GLIS3: variants seen among roughly 807,000 people sequenced by gnomAD.
The protein encoded by GLIS3 is zinc finger protein GLIS3.
GLIS3 carries 53 observed loss-of-function variants against 78.6 expected under a neutral mutation model. The observed-to-expected ratio is 0.67, with a 90% confidence interval of 0.54 to 0.85. GLIS3 has a LOEUF of 0.85. Ranked by LOEUF, GLIS3 falls within the 40% of genes least tolerant of loss-of-function variation. The pLI, the probability that GLIS3 is intolerant of heterozygous loss-of-function variation, is 0.00. For synonymous variants in GLIS3, 684 were observed against 509.9 expected (o/e 1.34, Z -4.60); for missense variants, 1,703 against 1,231.1 (o/e 1.38, Z -5.74).
the GLIS3 span, among the ~76,000 whole-genome samples, chr9:4,395,622 G>A: frequency 3.3e-5 from 5 of 152,112 alleles, no homozygotes; most frequent in African/African-American, 9.7e-5. Flanking sequence ...CCTAGTTGAG[G>A]CAACCAAAAT....
At chr9:4,417,525 G>A in the GLIS3 span, among the ~76,000 whole-genome samples, 1 of 152,140 alleles carries the variant, frequency 6.6e-6, no homozygotes, top group East Asian at 1.9e-4. Flanking sequence ...TTTCTTTTTG[G>A]TAGATATATA....
At chr9:3,833,978 C>A (rs1818199569) in intron 9 of GLIS3, among the ~76,000 whole-genome samples, 1 of 152,018 alleles carries the variant, frequency 6.6e-6, no homozygotes, top group Non-Finnish European at 1.5e-5. Flanking sequence ...CTAGAAAATG[C>A]AGACTAGTAT....
the GLIS3 span, among the ~76,000 whole-genome samples, chr9:4,448,360 C>T: frequency 4.6e-5 from 7 of 152,334 alleles, no homozygotes; most frequent in South Asian, 1.0e-3. Flanking sequence ...GCAGCCAGAA[C>T]CCATCCCATG....
chr9:4,449,041 G>T, the GLIS3 span, among the ~76,000 whole-genome samples: 1 of 152,134 alleles, frequency 6.6e-6, no homozygotes, highest in Non-Finnish European at 1.5e-5. Context: ...AGGCACAAGG[G>T]GTCAGGGGAT....
At chr9:3,976,639 GC>G (rs1818810060) in intron 4 of GLIS3, among the ~76,000 whole-genome samples, 1 of 150,578 alleles carries the variant, frequency 6.6e-6, no homozygotes, top group African/African-American at 2.4e-5. Flanking sequence ...TCTCAATCAG[GC>G]CCAAGAGTAA....
intron 2 of GLIS3, among the ~76,000 whole-genome samples, chr9:4,246,974 A>G (rs1823861910): frequency 6.6e-6 from 1 of 152,244 alleles, no homozygotes; most frequent in Non-Finnish European, 1.5e-5. Flanking sequence ...TGATTTAAGC[A>G]TAATACATTT....
At chr9:4,468,914 T>C in the GLIS3 span, among the ~76,000 whole-genome samples, 1 of 152,072 alleles carries the variant, frequency 6.6e-6, no homozygotes, top group Non-Finnish European at 1.5e-5. Context: ...GAGACACATA[T>C]AGGCTCAAAA....
chr9:3,882,803 T>C (rs903322640), intron 7 of GLIS3, among the ~76,000 whole-genome samples: 3 of 152,218 alleles, frequency 2.0e-5, no homozygotes, highest in Non-Finnish European at 4.4e-5. Context: ...ATGTACTTCT[T>C]ATCTAGGGTG....
chr9:4,322,351 G>A (rs142861043), intron 2 of GLIS3, among the ~76,000 whole-genome samples: 10,532 of 152,184 alleles, frequency 0.069, 1,152 homozygotes, highest in African/African-American at 0.23. Context: ...GTGTGCATGT[G>A]TCTTTATAGG....
rs748740068 is a variant in GLIS3 at position 4,118,667 on chromosome 9, A to T, written c.811T>A (p.Ser271Thr). Residue 271 changes from serine to threonine, a missense_variant, in exon 4 of 11, where the codon TCC becomes ACC. By Grantham distance (58) the Ser-to-Thr change is moderately conservative. Transcript: ENST00000381971. The surrounding 1 kb of genome is among the most constrained non-coding windows in gnomAD (Gnocchi z 4.7). ...CTACTTTCCGTGCCAAAAAGGTAGG[A>T]TGGTAATGAGTTAGAGACACTATTG... ...SSNSVSNSLP[S>T]YLFGTESSHS... 1.2e-6 allele frequency: 2 copies of T among 1,614,118 alleles called. No homozygotes were observed. The highest frequency in any genetic ancestry group is 1.7e-5 in the Admixed American group (1 of 60,026).
intron 2 of GLIS3, among the ~76,000 whole-genome samples, chr9:4,268,055 A>G (rs72690059): frequency 0.21 from 32,235 of 151,492 alleles, 3,626 homozygotes; most frequent in Admixed American, 0.25. Flanking sequence ...GTGCGTGCGC[A>G]CACACACACA....
chr9:4,053,705 T>TTAAAAAAAAAAAA (rs1554682400), intron 4 of GLIS3, among the ~76,000 whole-genome samples: 12 of 91,144 alleles, frequency 1.3e-4, no homozygotes, highest in East Asian at 3.7e-4. Flanking sequence ...TCTTTCTTCA[T>TTAAAAAAAAAAAA]AAAAAAAAAA....
At chr9:4,272,678 G>A (rs745960308) in intron 2 of GLIS3, among the ~76,000 whole-genome samples, 18 of 152,100 alleles carry the variant, frequency 1.2e-4, no homozygotes, top group South Asian at 2.1e-4. Context: ...TGTGTTTTAC[G>A]TAATACACTA....
intron 2 of GLIS3, among the ~76,000 whole-genome samples, chr9:4,223,028 T>C (rs1410016277): frequency 6.6e-6 from 1 of 152,134 alleles, no homozygotes; most frequent in Admixed American, 6.5e-5. Flanking sequence ...CTGGGATCTT[T>C]CCAAGAAAGA....
intron 4 of GLIS3, among the ~76,000 whole-genome samples, chr9:3,968,556 T>C (rs1382207724): frequency 1.3e-5 from 2 of 152,230 alleles, no homozygotes; most frequent in Non-Finnish European, 1.5e-5. Flanking sequence ...ATACAAATTA[T>C]ATAAGAAAGC....
chr9:4,191,728 T>A (rs1475358531), intron 2 of GLIS3, among the ~76,000 whole-genome samples: 1 of 152,156 alleles, frequency 6.6e-6, no homozygotes, highest in African/African-American at 2.4e-5. Flanking sequence ...ACAAGTCAAT[T>A]AGTAAATGAA....
At chr9:4,388,069 G>C in the GLIS3 span, among the ~76,000 whole-genome samples, 1 of 152,174 alleles carries the variant, frequency 6.6e-6, no homozygotes, top group Non-Finnish European at 1.5e-5. Context: ...GGCAACACAT[G>C]TACCATTAAA....
At chr9:4,302,304 C>G (rs950855075), upstream of GLIS3, among the ~76,000 whole-genome samples, 12 of 152,318 alleles carry the variant, frequency 7.9e-5, no homozygotes, top group African/African-American at 2.2e-4. Flanking sequence ...TATCTTCCCT[C>G]TCTAGAGACC....
chr9:4,136,334 G>C (rs929236698), intron 2 of GLIS3, among the ~76,000 whole-genome samples: 1 of 152,180 alleles, frequency 6.6e-6, no homozygotes, highest in African/African-American at 2.4e-5. Context: ...AAGAAGAAGA[G>C]TATGAACTAC....
Sources: gnomAD v4.1 joint callset for allele counts (sites outside exome capture counted in the v4.1 genomes callset) on GRCh38, gnomAD v4.1.1 for gene constraint, Gnocchi (gnomAD v3.1) non-coding constraint, MANE v1.5 for transcripts, NCBI Gene and HGNC (gene_info 2026-07-23, HGNC 2026-07-21) for gene names.